The following ZBTB7C variants were observed in gnomAD, a reference collection of about 807,000 sequenced individuals.
ZBTB7C encodes zinc finger and BTB domain-containing protein 7C.
Under a neutral mutation model 25.7 loss-of-function variants are expected in ZBTB7C, and 8 were observed. That is an observed-to-expected ratio of 0.31 (90% confidence interval 0.18 to 0.56). The LOEUF is 0.56. Among genes scored for constraint, ZBTB7C ranks in the 20% least tolerant of loss-of-function variants. The pLI is 0.91. For missense variants in ZBTB7C, 824 were observed against 855.2 expected, an observed-to-expected ratio of 0.96 and a Z score of 0.46; for synonymous variants, 394 against 369.0, an observed-to-expected ratio of 1.07 and a Z score of -0.78.
chr18:48,096,347 C>T (rs1016652649), intron 3 of ZBTB7C, among the ~76,000 whole-genome samples: 2 of 152,148 alleles, frequency 1.3e-5, no homozygotes, highest in African/African-American at 4.8e-5. Context: ...CTGAAATGCT[C>T]AGGGCACCAT....
At chr18:48,076,472 A>G (rs2037768848) in intron 3 of ZBTB7C, among the ~76,000 whole-genome samples, 1 of 152,164 alleles carries the variant, frequency 6.6e-6, no homozygotes, top group East Asian at 1.9e-4. Flanking sequence ...GCAGTTCTAT[A>G]TCCAGGCTAT....
intron 2 of ZBTB7C, among the ~76,000 whole-genome samples, chr18:48,313,730 G>A (rs188671367): frequency 4.1e-4 from 63 of 152,268 alleles, no homozygotes; most frequent in Non-Finnish European, 8.1e-4. Context: ...ATGTCATCCC[G>A]CTTGGACCCA....
intron 4 of ZBTB7C, among the ~76,000 whole-genome samples, chr18:48,036,998 G>C (rs1459288059): frequency 6.6e-6 from 1 of 152,224 alleles, no homozygotes. Context: ...AAGAATGTGA[G>C]GGGGAGGAGA....
chr18:48,214,320 C>T (rs563318548), intron 2 of ZBTB7C, among the ~76,000 whole-genome samples: 7 of 152,342 alleles, frequency 4.6e-5, no homozygotes, highest in Non-Finnish European at 1.0e-4. Flanking sequence ...CAGCCATGGG[C>T]AACCACCAGC....
At chr18:48,175,623 C>T (rs1225922502) in intron 3 of ZBTB7C, among the ~76,000 whole-genome samples, 1 of 152,128 alleles carries the variant, frequency 6.6e-6, no homozygotes, top group African/African-American at 2.4e-5. Context: ...CGAGCAAACC[C>T]AGATCTGGAT....
chr18:48,167,070 C>T (rs970710747), intron 3 of ZBTB7C, among the ~76,000 whole-genome samples: 1 of 152,198 alleles, frequency 6.6e-6, no homozygotes, highest in African/African-American at 2.4e-5. Flanking sequence ...TCTGTGCCTG[C>T]TCTCTGCACA....
rs149514107 is a variant in ZBTB7C, at chr18:48,039,486, T to A, written c.1208+414A>T. ...CGGCCCCTGGCATGCAGAATATGCT[T>A]AATAAAGGTCAGTGGCTGCTTCTCC... On this transcript the variant is annotated intron_variant, in intron 4 of 4. Coordinates refer to ENST00000590800, the MANE Select transcript of ZBTB7C (RefSeq NM_001318841.2). Among the ~76,000 whole-genome samples the A allele has an allele frequency of 7.9e-3, 1,200 of 152,298 alleles. 20 individuals are homozygous for A. Among genetic ancestry groups the A allele is most frequent in the African/African-American group, 0.028 (1,154 of 41,554 alleles).
At chr18:48,367,234 T>C (rs8095063) in intron 1 of ZBTB7C, among the ~76,000 whole-genome samples, 7,442 of 71,878 alleles carry the variant, frequency 0.1, 487 homozygotes, top group Non-Finnish European at 0.15. Flanking sequence ...CACACACACA[T>C]ACATACACAC....
At position 48,288,225 on chromosome 18, in the gene ZBTB7C, T is replaced by C. The variant is rs1009630677; in HGVS notation, c.-79+49949A>G. ...TTATAATATTACAGTGGACTGAATGTTTATGTCCCTTCACAATTCATCTGG... is the reference window on the plus strand; with the variant it reads ...TTATAATATTACAGTGGACTGAATGCTTATGTCCCTTCACAATTCATCTGG... On this transcript the variant is annotated intron_variant, in intron 2 of 4. Coordinates refer to ENST00000590800, the MANE Select transcript of ZBTB7C (RefSeq NM_001318841.2). 4.9e-4 allele frequency among the ~76,000 whole-genome samples: 75 copies of C among 152,336 alleles called. 1 individual carries two copies. The highest frequency in any genetic ancestry group is 1.8e-3 in the African/African-American group (73 of 41,574).
chr18:48,402,510 G>C (rs1212797403), intron 1 of ZBTB7C, among the ~76,000 whole-genome samples: 5 of 152,172 alleles, frequency 3.3e-5, no homozygotes, highest in Admixed American at 6.5e-5. Flanking sequence ...TGTGTTGGAA[G>C]GGGGGAAGGA....
At chr18:48,046,379 G>A (rs1318732493) in intron 3 of ZBTB7C, among the ~76,000 whole-genome samples, 1 of 152,192 alleles carries the variant, frequency 6.6e-6, no homozygotes, top group Non-Finnish European at 1.5e-5. Flanking sequence ...CACCCTGTAG[G>A]TAGCAGGGTC....
chr18:48,257,979 A>AGCTATGAT (rs1475068566), intron 2 of ZBTB7C, among the ~76,000 whole-genome samples: 1 of 152,164 alleles, frequency 6.6e-6, no homozygotes, highest in Non-Finnish European at 1.5e-5. Context: ...GGCTCCAGTG[A>AGCTATGAT]GCTATGATTG....
At chr18:48,208,553 T>C (rs1048750092) in intron 2 of ZBTB7C, among the ~76,000 whole-genome samples, 2 of 152,228 alleles carry the variant, frequency 1.3e-5, no homozygotes, top group African/African-American at 4.8e-5. Flanking sequence ...CTCACCCAGA[T>C]ATGAGAGGTG....
intron 3 of ZBTB7C, among the ~76,000 whole-genome samples, chr18:48,142,687 T>C (rs1400998700): frequency 6.6e-6 from 1 of 152,094 alleles, no homozygotes; most frequent in Non-Finnish European, 1.5e-5. Context: ...CCTGTCACCA[T>C]GGATCCCAGA....
chr18:48,326,540 T>C (rs185248564), intron 2 of ZBTB7C, among the ~76,000 whole-genome samples: 8 of 152,122 alleles, frequency 5.3e-5, no homozygotes, highest in African/African-American at 7.2e-5. Context: ...GGTCCCTCCA[T>C]AGGGGACTGG....
At chr18:48,077,062 CAAA>C (rs10539603) in intron 3 of ZBTB7C, 30,732 of 399,176 alleles carry the variant, frequency 0.077, 79 homozygotes, top group African/African-American at 0.085. Context: ...TTGTTATATG[CAAA>C]AAAAAAAAAA....
intron 3 of ZBTB7C, among the ~76,000 whole-genome samples, chr18:48,069,638 G>C (rs958271538): frequency 4.6e-5 from 7 of 151,878 alleles, no homozygotes; most frequent in African/African-American, 1.2e-4. Flanking sequence ...TGTATTCGGA[G>C]CCTCTACTAT....
At chr18:48,336,983 C>G (rs1005141497) in intron 2 of ZBTB7C, among the ~76,000 whole-genome samples, 1 of 152,204 alleles carries the variant, frequency 6.6e-6, no homozygotes, top group Non-Finnish European at 1.5e-5. Flanking sequence ...TCAATTCTTT[C>G]TCCATTTCCT....
At chr18:48,206,490 AC>A (rs924793903) in intron 2 of ZBTB7C, among the ~76,000 whole-genome samples, 6 of 152,256 alleles carry the variant, frequency 3.9e-5, no homozygotes, top group African/African-American at 1.4e-4. Context: ...CCCTGTCTCT[AC>A]AAAAAATAAA....
Sources: gnomAD v4.1 joint callset for allele counts (sites outside exome capture counted in the v4.1 genomes callset) on GRCh38, gnomAD v4.1.1 for gene constraint, MANE v1.5 for transcripts, NCBI Gene and HGNC (gene_info 2026-07-23, HGNC 2026-07-21) for gene names.